SETD2: variants seen among roughly 807,000 people sequenced by gnomAD.
The protein encoded by SETD2 is SET domain containing 2, histone lysine methyltransferase.
SETD2 carries 31 observed loss-of-function variants against 242.1 expected under a neutral mutation model. The ratio of observed to expected loss-of-function variants is 0.13; its 90% confidence interval spans 0.10 to 0.17. The LOEUF (loss-of-function observed/expected upper bound fraction) is 0.17, where lower values mean the gene tolerates loss of function less well. Ranked by LOEUF, SETD2 falls within the 10% of genes least tolerant of loss-of-function variation. The probability of loss-of-function intolerance (pLI) is 1.00; values close to 1 mark genes in which losing one functional copy is unlikely to be tolerated. For synonymous variants in SETD2, 1,006 were observed against 1,066.5 expected (o/e 0.94, Z 1.11); for missense variants, 2,481 against 3,046.3 (o/e 0.81, Z 4.37).
At chr3:47,131,141 A>G (rs1034708972) in intron 1 of SETD2, among the ~76,000 whole-genome samples, 4 of 152,352 alleles carry the variant, frequency 2.6e-5, no homozygotes, top group East Asian at 1.9e-4. Flanking sequence ...CATGTCACAC[A>G]AGAAATGGTT....
intron 1 of SETD2, among the ~76,000 whole-genome samples, chr3:47,149,491 T>C (rs1462064693): frequency 2.0e-5 from 3 of 152,138 alleles, no homozygotes; most frequent in African/African-American, 4.8e-5. Context: ...CAATTTACAC[T>C]TGGTTAAAAA....
intron 16 of SETD2, among the ~76,000 whole-genome samples, chr3:47,044,381 A>AAAAAAAAAC (rs2039426110): frequency 7.7e-6 from 1 of 129,522 alleles, no homozygotes; most frequent in African/African-American, 2.9e-5. Flanking sequence ...AAAAAAAAAA[A>AAAAAAAAAC]AAAAAGGCCT....
At chr3:47,062,903 A>T (rs1182033713) in intron 13 of SETD2, among the ~76,000 whole-genome samples, 1 of 152,136 alleles carries the variant, frequency 6.6e-6, no homozygotes, top group African/African-American at 2.4e-5. Context: ...TGATTGCACC[A>T]CTGCAGTCCA....
At chr3:47,145,516 T>A (rs6768374) in intron 1 of SETD2, 12,911 of 434,750 alleles carry the variant, frequency 0.03, 1,416 homozygotes, top group African/African-American at 0.23. Context: ...TACCTCAGGC[T>A]CCTGAAGGGA....
intron 1 of SETD2, among the ~76,000 whole-genome samples, chr3:47,162,840 AAAG>A (rs1697531364): frequency 6.6e-6 from 1 of 152,204 alleles, no homozygotes; most frequent in Non-Finnish European, 1.5e-5. Flanking sequence ...GGGTTCAGGG[AAAG>A]AAGTGACTCC....
At chr3:47,142,631 G>A (rs548968880) in intron 1 of SETD2, among the ~76,000 whole-genome samples, 1 of 151,822 alleles carries the variant, frequency 6.6e-6, no homozygotes, top group African/African-American at 2.4e-5. Context: ...ACTTCGTGGT[G>A]GGGGGAGGTG....
intron 12 of SETD2, among the ~76,000 whole-genome samples, chr3:47,069,871 G>A (rs540585627): frequency 4.6e-5 from 7 of 152,028 alleles, no homozygotes; most frequent in Admixed American, 2.0e-4. Context: ...AAGTAAGAAC[G>A]CCATTTATTA....
At chr3:47,147,917 CAAAAAAAAAA>C (rs547475994) in intron 1 of SETD2, among the ~76,000 whole-genome samples, 1 of 52,126 alleles carries the variant, frequency 1.9e-5, no homozygotes, top group East Asian at 5.8e-4. Flanking sequence ...GACTCTGTCT[CAAAAAAAAAA>C]AAAAAAAAAA....
At chr3:47,022,113 T>C (rs2038248235) in intron 18 of SETD2, among the ~76,000 whole-genome samples, 1 of 151,664 alleles carries the variant, frequency 6.6e-6, no homozygotes, top group Non-Finnish European at 1.5e-5. Flanking sequence ...GAGAATCGTT[T>C]GAACCCGGGA....
At chr3:47,146,107 T>G (rs1180636268) in intron 1 of SETD2, among the ~76,000 whole-genome samples, 2 of 147,936 alleles carry the variant, frequency 1.4e-5, no homozygotes, top group Non-Finnish European at 3.0e-5. Flanking sequence ...CATATCCCAC[T>G]TGCTCTTATC....
chr3:47,048,485 G>A (rs2039635414), intron 15 of SETD2, among the ~76,000 whole-genome samples: 3 of 152,126 alleles, frequency 2.0e-5, no homozygotes, highest in Non-Finnish European at 4.4e-5. Flanking sequence ...AGTGGTGAGT[G>A]AGTGAATATG....
chr3:47,121,030 C>A lies in SETD2; in HGVS notation c.3606G>T (p.Leu1202=), dbSNP rs1553700220. The A allele has an allele frequency of 2.5e-6, 4 of 1,614,160 alleles. No individual in the cohort carries two copies. The South Asian group carries it at 4.4e-5, about 18-fold the overall frequency. ...CTTCAAAATCAGAAGAATAAATTGG[C>A]AGCTCTTCTTGCTGCCTAGAAGGTA... ...AKIPSRQQEE[L]PIYSSDFEDV... is the part of the protein sequence containing the mutation. Residue 1202 remains leucine, a synonymous_variant, in exon 3 of 21, where the codon CTG becomes CTT. Coordinates refer to ENST00000409792, the MANE Select transcript of SETD2 (RefSeq NM_014159.7).
intron 9 of SETD2, among the ~76,000 whole-genome samples, chr3:47,088,556 G>A (rs901732535): frequency 2.0e-5 from 3 of 152,030 alleles, no homozygotes; most frequent in African/African-American, 7.2e-5. Flanking sequence ...AGAAAAACCT[G>A]CCCTTATGGG....
intron 5 of SETD2, among the ~76,000 whole-genome samples, chr3:47,112,375 C>T (rs541809449): frequency 1.1e-4 from 17 of 151,326 alleles, no homozygotes; most frequent in Non-Finnish European, 2.1e-4. Context: ...TTCGCTTCCC[C>T]GGTTCAAGAG....
At chr3:47,104,337 T>C (rs2042327691) in intron 6 of SETD2, among the ~76,000 whole-genome samples, 1 of 151,954 alleles carries the variant, frequency 6.6e-6, no homozygotes, top group Non-Finnish European at 1.5e-5. Flanking sequence ...AGGTCAGAAG[T>C]GAGACCAGCC....
intron 3 of SETD2, 101 bp from the exon 4 acceptor site, chr3:47,116,855 GT>G: frequency 1.1e-6 from 1 of 889,892 alleles, no homozygotes. Flanking sequence ...ATTCTTTTGG[GT>G]TTTTTTAAAC....
chr3:47,025,151 A>G (rs185306084), intron 18 of SETD2, among the ~76,000 whole-genome samples: 164 of 152,276 alleles, frequency 1.1e-3, no homozygotes, highest in Non-Finnish European at 2.1e-3. Flanking sequence ...AAACTCCACA[A>G]TGAACTTAAT....
chr3:47,126,779 G>T, intron 1 of SETD2, 116 bp from the exon 2 acceptor site: 1 of 625,618 alleles, frequency 1.6e-6, no homozygotes, highest in South Asian at 1.9e-5. Context: ...CTACCTACAG[G>T]TATATTCTAT....
At chr3:47,051,302 G>A (rs890205590) in intron 15 of SETD2, among the ~76,000 whole-genome samples, 6 of 151,682 alleles carry the variant, frequency 4.0e-5, no homozygotes, top group South Asian at 2.1e-4. Context: ...ATGAGGTTTC[G>A]CCATGTTAAC....
Sources: gnomAD v4.1 joint callset for allele counts (sites outside exome capture counted in the v4.1 genomes callset) on GRCh38, gnomAD v4.1.1 for gene constraint, MANE v1.5 for transcripts, NCBI Gene and HGNC (gene_info 2026-07-23, HGNC 2026-07-21) for gene names.